Variants in RCBTB1 observed in about 807,000 individuals in gnomAD.
RCBTB1 encodes RCC1 and BTB domain containing protein 1, also known as RCC1 and BTB domain-containing protein 1.
A neutral mutation model predicts 62.4 loss-of-function variants in RCBTB1; 46 were observed. The observed-to-expected ratio is 0.74, with a 90% CI of 0.58 to 0.94. The LOEUF is 0.94. Ranked by LOEUF, RCBTB1 falls within the 40% of genes least tolerant of loss-of-function variation. RCBTB1 has a pLI of 0.00. For missense variants in RCBTB1, 565 were observed against 654.9 expected (o/e 0.86, Z 1.50); for synonymous variants, 222 against 245.8 (o/e 0.90, Z 0.91).
rs142900016 is a variant in RCBTB1, at chr13:49,544,249, C to T, written c.1172+488G>A. Among the ~76,000 whole-genome samples the T allele has an allele frequency of 7.4e-4, 113 of 152,256 alleles. 1 individual carries two copies. The East Asian group carries it at 0.02, about 27-fold the overall frequency. On this transcript the variant is annotated intron_variant, in intron 10 of 12. Coordinates refer to ENST00000378302, the MANE Select transcript of RCBTB1 (RefSeq NM_018191.4). ...CTTTGGGAGGCTGAGGCGGGCAGAT[C>T]ACCTGAGATCGGGAGTTCGAGACCA... is the stretch of plus-strand genomic sequence containing the variant.
intron 2 of RCBTB1, among the ~76,000 whole-genome samples, chr13:49,578,708 C>T (rs1210140889): frequency 6.6e-6 from 1 of 152,112 alleles, no homozygotes; most frequent in Admixed American, 6.6e-5. Context: ...AACAATTACA[C>T]GAAATCCCAG....
At chr13:49,535,310 CT>C (rs1357077018) in intron 12 of RCBTB1, among the ~76,000 whole-genome samples, 1 of 152,126 alleles carries the variant, frequency 6.6e-6, no homozygotes, top group Non-Finnish European at 1.5e-5. Context: ...CCCTGCCAAA[CT>C]TTAATATAGT....
chr13:49,565,969 C>CG (rs1255611480), intron 4 of RCBTB1, among the ~76,000 whole-genome samples: 86 of 151,058 alleles, frequency 5.7e-4, no homozygotes, highest in African/African-American at 2.1e-3. Context: ...TTACCCCCAA[C>CG]CTGGTGCTCT....
chr13:49,557,255 G>C (rs7983672), intron 5 of RCBTB1, among the ~76,000 whole-genome samples: 37,071 of 151,866 alleles, frequency 0.24, 5,824 homozygotes, highest in African/African-American at 0.44. Context: ...TAAAAGATAG[G>C]GAATAGAAGG....
intron 7 of RCBTB1, among the ~76,000 whole-genome samples, 173 bp downstream of exon 7, chr13:49,552,005 T>C (rs893724646): frequency 1.0e-4 from 15 of 149,438 alleles, no homozygotes; most frequent in Non-Finnish European, 1.6e-4. Context: ...GCCAACACCA[T>C]AGTCTTGCTT....
At chr13:49,548,824 C>T (rs989092400) in intron 9 of RCBTB1, among the ~76,000 whole-genome samples, 1 of 150,200 alleles carries the variant, frequency 6.7e-6, no homozygotes, top group Non-Finnish European at 1.5e-5. Flanking sequence ...GACTAATTAA[C>T]GTATAAGGGC....
At chr13:49,575,983 G>A (rs898099617) in intron 2 of RCBTB1, among the ~76,000 whole-genome samples, 17 of 152,102 alleles carry the variant, frequency 1.1e-4, no homozygotes, top group Non-Finnish European at 1.6e-4. Context: ...GTCAGAGATC[G>A]AGACCATCCT....
chr13:49,562,542 A>C (rs898317341), intron 4 of RCBTB1, among the ~76,000 whole-genome samples: 5 of 149,904 alleles, frequency 3.3e-5, no homozygotes, highest in South Asian at 2.1e-4. Flanking sequence ...AAAATTTGGA[A>C]GATCACTCCA....
chr13:49,579,540 C>T (rs1963974003), intron 2 of RCBTB1, among the ~76,000 whole-genome samples: 1 of 151,316 alleles, frequency 6.6e-6, no homozygotes, highest in Non-Finnish European at 1.5e-5. Context: ...AGGAGAATGG[C>T]GTGAGCCCAG....
chr13:49,570,386 T>C (rs953814854), intron 2 of RCBTB1, among the ~76,000 whole-genome samples: 1 of 152,206 alleles, frequency 6.6e-6, no homozygotes, highest in Non-Finnish European at 1.5e-5. Context: ...CAAAGACTTG[T>C]CATTTAAGAG....
Position 49,551,513 on chromosome 13 carries a change from G to C in RCBTB1, c.712-45C>G, listed in dbSNP as rs369494601. The stretch of plus-strand genomic sequence containing the variant: ...GTTACCATTAGCAGGAAAACAGGAA[G>C]GGCAGGGAGAACATCTACTTAAAGG... On this transcript the variant is annotated intron_variant, in intron 7 of 12. Coordinates refer to ENST00000378302, the MANE Select transcript of RCBTB1 (RefSeq NM_018191.4). 4 of 1,608,350 alleles carry C rather than the reference G, an allele frequency of 2.5e-6. No homozygotes were observed. The African/African-American group carries it at 5.4e-5, about 22-fold the overall frequency.
At chr13:49,551,533 T>TA (rs2139181664) in intron 7 of RCBTB1, 65 bp from the exon 8 acceptor site, 5 of 1,573,108 alleles carry the variant, frequency 3.2e-6, no homozygotes, top group Non-Finnish European at 4.3e-6. Context: ...AACATCTACT[T>TA]AAAGGCTATA....
intron 1 of RCBTB1, among the ~76,000 whole-genome samples, chr13:49,582,799 A>G (rs533295550): frequency 4.2e-5 from 6 of 142,038 alleles, no homozygotes; most frequent in African/African-American, 1.6e-4. Flanking sequence ...TTTGGAGACC[A>G]TTCTCTTCTG....
At chr13:49,583,153 C>T (rs981634254) in intron 1 of RCBTB1, among the ~76,000 whole-genome samples, 3 of 152,026 alleles carry the variant, frequency 2.0e-5, no homozygotes, top group East Asian at 3.9e-4. Flanking sequence ...CCAGACTGGG[C>T]GACATAGTGA....
At chr13:49,556,025 TTG>T (rs994270891) in intron 5 of RCBTB1, among the ~76,000 whole-genome samples, 7 of 151,944 alleles carry the variant, frequency 4.6e-5, no homozygotes, top group Admixed American at 2.0e-4. Flanking sequence ...CCTCTATAAT[TTG>T]TGTGTGTGTG....
chr13:49,550,269 G>A (rs1027534538), intron 8 of RCBTB1: 12 of 190,080 alleles, frequency 6.3e-5, no homozygotes, highest in African/African-American at 2.4e-4. Flanking sequence ...GTAAGCCATC[G>A]TGCCTGGCCC....
chr13:49,536,288 T>C (rs1239358631), intron 12 of RCBTB1, among the ~76,000 whole-genome samples: 3 of 152,268 alleles, frequency 2.0e-5, no homozygotes, highest in Admixed American at 2.0e-4. Flanking sequence ...CAGATCTATG[T>C]AAAAGGAAGC....
chr13:49,562,381 C>T (rs1962507627), intron 4 of RCBTB1, among the ~76,000 whole-genome samples: 1 of 151,802 alleles, frequency 6.6e-6, no homozygotes, highest in Non-Finnish European at 1.5e-5. Flanking sequence ...AATCCCAGCA[C>T]TTTTGGAAGC....
intron 2 of RCBTB1, among the ~76,000 whole-genome samples, chr13:49,575,383 C>T (rs1963706980): frequency 1.3e-5 from 2 of 151,572 alleles, no homozygotes; most frequent in Non-Finnish European, 2.9e-5. Context: ...ACCATTCAAC[C>T]CAGGAATCCC....
Sources: allele counts gnomAD v4.1 joint callset (sites outside exome capture counted in the v4.1 genomes callset), GRCh38; gene constraint gnomAD v4.1.1; transcripts MANE v1.5; gene names NCBI Gene and HGNC (gene_info 2026-07-23, HGNC 2026-07-21).